The following LUZP2 variants were observed in gnomAD, a reference collection of about 807,000 sequenced individuals.
LUZP2 encodes leucine zipper protein 2.
Under a neutral mutation model 51.6 loss-of-function variants are expected in LUZP2, and 52 were observed. The observed-to-expected ratio is 1.01, with a 90% CI of 0.81 to 1.27. The LOEUF (loss-of-function observed/expected upper bound fraction) is 1.27. Ranked by LOEUF, LUZP2 falls within the 50% of genes most tolerant of loss-of-function variation. The pLI, the probability that LUZP2 is intolerant of heterozygous loss-of-function variation, is 0.00. For synonymous variants in LUZP2, 154 were observed against 137.3 expected, an observed-to-expected ratio of 1.12 and a Z score of -0.85; for missense variants, 436 against 395.4, an observed-to-expected ratio of 1.10 and a Z score of -0.87.
intron 1 of LUZP2, among the ~76,000 whole-genome samples, chr11:24,582,305 T>G (rs1432218852): frequency 7.0e-6 from 1 of 142,428 alleles, no homozygotes; most frequent in South Asian, 2.4e-4. Flanking sequence ...GCTGATTTTT[T>G]TTTTTTTTTT....
chr11:24,745,980 T>C (rs1262742122), intron 4 of LUZP2, among the ~76,000 whole-genome samples: 2 of 152,094 alleles, frequency 1.3e-5, no homozygotes, highest in African/African-American at 4.8e-5. Context: ...GCCCAGTCAG[T>C]TCTTATCCAT....
At chr11:25,021,046 A>G (rs1446187) in intron 9 of LUZP2, among the ~76,000 whole-genome samples, 88,869 of 151,890 alleles carry the variant, frequency 0.59, 27,230 homozygotes, top group African/African-American at 0.77. Context: ...TATATGTAAG[A>G]TGATAAACCC....
intron 5 of LUZP2, among the ~76,000 whole-genome samples, chr11:24,850,916 C>T (rs1383831437): frequency 6.6e-6 from 1 of 151,984 alleles, no homozygotes; most frequent in Non-Finnish European, 1.5e-5. Context: ...ATTTGGCTCT[C>T]TATTATTGGT....
At chr11:24,975,439 G>T (rs1855859214) in intron 7 of LUZP2, among the ~76,000 whole-genome samples, 1 of 152,058 alleles carries the variant, frequency 6.6e-6, no homozygotes, top group Non-Finnish European at 1.5e-5. Flanking sequence ...ATTTGTTGTT[G>T]CTGTTGTTGT....
chr11:25,021,602 G>C (rs566685899), intron 9 of LUZP2, among the ~76,000 whole-genome samples: 1 of 152,006 alleles, frequency 6.6e-6, no homozygotes, highest in South Asian at 2.1e-4. Flanking sequence ...TGAGCTACTG[G>C]GCAGGGATAG....
intron 1 of LUZP2, among the ~76,000 whole-genome samples, chr11:24,505,119 C>G (rs922567751): frequency 1.3e-5 from 2 of 152,138 alleles, no homozygotes; most frequent in Non-Finnish European, 2.9e-5. Context: ...AAATCAGATT[C>G]TGGGACATTC....
intron 5 of LUZP2, among the ~76,000 whole-genome samples, chr11:24,896,643 T>C (rs2133769397): frequency 1.3e-5 from 2 of 152,278 alleles, no homozygotes; most frequent in Middle Eastern, 6.8e-3. Flanking sequence ...TGCTCCCCGG[T>C]GCCTGGTCCC....
At chr11:24,657,540 C>T (rs979231170) in intron 1 of LUZP2, among the ~76,000 whole-genome samples, 1 of 152,144 alleles carries the variant, frequency 6.6e-6, no homozygotes, top group Non-Finnish European at 1.5e-5. Flanking sequence ...CCCTCTCTCA[C>T]CACTCCTATT....
At chr11:24,681,752 AACTTC>A (rs1439211651) in intron 1 of LUZP2, among the ~76,000 whole-genome samples, 4 of 152,212 alleles carry the variant, frequency 2.6e-5, no homozygotes, top group African/African-American at 9.6e-5. Context: ...AAATGTTATA[AACTTC>A]ACTTTTCTCT....
At chr11:24,792,590 G>A (rs942237895) in intron 5 of LUZP2, among the ~76,000 whole-genome samples, 5 of 152,066 alleles carry the variant, frequency 3.3e-5, no homozygotes, top group Non-Finnish European at 5.9e-5. Context: ...TGACCTACAG[G>A]AAAATGTAAT....
chr11:24,755,822 A>C (rs556266896), intron 4 of LUZP2, among the ~76,000 whole-genome samples: 18 of 152,296 alleles, frequency 1.2e-4, no homozygotes, highest in African/African-American at 4.3e-4. Context: ...ATAAAGAAGG[A>C]AATCAAATTA....
intron 9 of LUZP2, among the ~76,000 whole-genome samples, chr11:24,988,019 G>A (rs1856236216): frequency 6.6e-6 from 1 of 151,988 alleles, no homozygotes; most frequent in Non-Finnish European, 1.5e-5. Context: ...GGTTGAACAT[G>A]AGTAAGATCC....
chr11:24,554,297 G>C (rs752751965), intron 1 of LUZP2, among the ~76,000 whole-genome samples: 2 of 152,054 alleles, frequency 1.3e-5, no homozygotes, highest in Non-Finnish European at 2.9e-5. Flanking sequence ...ATGAACTAAA[G>C]AGACTATTGT....
intron 9 of LUZP2, among the ~76,000 whole-genome samples, chr11:25,035,409 A>G (rs1857824646): frequency 6.6e-6 from 1 of 152,114 alleles, no homozygotes; most frequent in Non-Finnish European, 1.5e-5. Flanking sequence ...GCTGAGAGTA[A>G]AATCAAGAAT....
intron 1 of LUZP2, among the ~76,000 whole-genome samples, chr11:24,521,667 T>C (rs1284306479): frequency 6.6e-6 from 1 of 152,114 alleles, no homozygotes; most frequent in Non-Finnish European, 1.5e-5. Flanking sequence ...AGAAATATAT[T>C]TAGGATTAGA....
intron 1 of LUZP2, among the ~76,000 whole-genome samples, chr11:24,520,200 C>G (rs1351425697): frequency 6.6e-6 from 1 of 151,946 alleles, no homozygotes; most frequent in East Asian, 1.9e-4. Flanking sequence ...CAAGAAGATG[C>G]AATGGAATTA....
intron 5 of LUZP2, among the ~76,000 whole-genome samples, chr11:24,822,673 C>G (rs1227407171): frequency 2.6e-5 from 4 of 152,092 alleles, no homozygotes; most frequent in Admixed American, 2.0e-4. Flanking sequence ...GCATTTCTGC[C>G]TCCCTGACTT....
intron 1 of LUZP2, among the ~76,000 whole-genome samples, chr11:24,554,957 A>G (rs1294771773): frequency 6.6e-6 from 1 of 152,118 alleles, no homozygotes; most frequent in Non-Finnish European, 1.5e-5. Flanking sequence ...CCAAAAAGCT[A>G]CTATGGTGTC....
chr11:24,580,632 A>T (rs149385366), intron 1 of LUZP2, among the ~76,000 whole-genome samples: 1 of 152,278 alleles, frequency 6.6e-6, no homozygotes, highest in African/African-American at 2.4e-5. Flanking sequence ...GCTCAGTAAT[A>T]ATTTGCATTT....
Sources: allele counts gnomAD v4.1 joint callset (sites outside exome capture counted in the v4.1 genomes callset), GRCh38; gene constraint gnomAD v4.1.1; transcripts MANE v1.5; gene names NCBI Gene and HGNC (gene_info 2026-07-23, HGNC 2026-07-21).